CCDC192: variants seen among roughly 807,000 people sequenced by gnomAD.
CCDC192 encodes coiled-coil domain containing 192, also known as coiled-coil domain-containing protein 192.
At chr5:127,906,551 T>A (rs1437403426) in intron 6 of CCDC192, among the ~76,000 whole-genome samples, 2 of 152,082 alleles carry the variant, frequency 1.3e-5, no homozygotes, top group African/African-American at 4.8e-5. Flanking sequence ...TCTGAGAGGC[T>A]GAGGGGGGTG....
At chr5:127,731,553 G>A (rs1230341690) in intron 2 of CCDC192, among the ~76,000 whole-genome samples, 3 of 152,104 alleles carry the variant, frequency 2.0e-5, no homozygotes, top group Non-Finnish European at 4.4e-5. Flanking sequence ...AGCCTGTATA[G>A]CCAAGACAAT....
chr5:127,890,067 G>A (rs956815552), intron 6 of CCDC192, among the ~76,000 whole-genome samples: 10 of 151,972 alleles, frequency 6.6e-5, no homozygotes, highest in Non-Finnish European at 1.3e-4. Flanking sequence ...AATGGATCTG[G>A]ATCTCACAGA....
At chr5:127,886,697 A>C (rs151854) in intron 6 of CCDC192, among the ~76,000 whole-genome samples, 8,753 of 152,300 alleles carry the variant, frequency 0.057, 342 homozygotes, top group Middle Eastern at 0.092. Context: ...TAAAGCTTCT[A>C]GTCAACAGCA....
intron 5 of CCDC192, among the ~76,000 whole-genome samples, chr5:127,808,821 T>C (rs370762720): frequency 1.4e-4 from 22 of 152,324 alleles, no homozygotes; most frequent in Middle Eastern, 3.4e-3. Context: ...TTTATTCATA[T>C]ACAGTTCTTG....
At chr5:127,746,940 AT>A (rs1011922589) in intron 2 of CCDC192, among the ~76,000 whole-genome samples, 7 of 152,078 alleles carry the variant, frequency 4.6e-5, no homozygotes. Context: ...GCCTGGTTTC[AT>A]TTACCACCAG....
At chr5:127,795,307 A>C (rs1467209262) in intron 3 of CCDC192, among the ~76,000 whole-genome samples, 3 of 151,912 alleles carry the variant, frequency 2.0e-5, no homozygotes, top group Non-Finnish European at 4.4e-5. Flanking sequence ...AAAAAAAAAA[A>C]AAACAATTTG....
At chr5:127,857,643 C>T (rs1301321975) in intron 5 of CCDC192, 1 of 152,086 alleles carries the variant, frequency 6.6e-6, no homozygotes, top group African/African-American at 2.4e-5. Flanking sequence ...AGTTTGAAAG[C>T]TGTAGGGCTG....
chr5:127,786,535 C>T, intron 3 of CCDC192: 2 of 645,418 alleles, frequency 3.1e-6, no homozygotes, highest in South Asian at 1.7e-5. Flanking sequence ...TATTCAGTGG[C>T]CTAAATGGTC....
At chr5:127,914,212 G>C (rs1436697215) in intron 6 of CCDC192, among the ~76,000 whole-genome samples, 1 of 152,152 alleles carries the variant, frequency 6.6e-6, no homozygotes, top group African/African-American at 2.4e-5. Context: ...TTGTAATGGA[G>C]AAACTCACAT....
chr5:127,772,685 T>A (rs1227788254), intron 3 of CCDC192, among the ~76,000 whole-genome samples: 1 of 152,104 alleles, frequency 6.6e-6, no homozygotes, highest in South Asian at 2.1e-4. Context: ...CTCTATATAT[T>A]GCATACCCGT....
intron 2 of CCDC192, among the ~76,000 whole-genome samples, chr5:127,710,214 A>T (rs1045430120): frequency 2.0e-5 from 3 of 152,188 alleles, no homozygotes; most frequent in African/African-American, 7.2e-5. Context: ...GATATCCATG[A>T]TTACTGCTGC....
chr5:127,751,691 A>G lies in CCDC192; in HGVS notation c.115-2577A>G, dbSNP rs954487828. 4.0e-5 allele frequency among the ~76,000 whole-genome samples: 6 copies of G among 151,892 alleles called. 1 individual carries two copies. The highest frequency in any genetic ancestry group is 3.9e-4 in the East Asian group (2 of 5,190). On this transcript the variant is annotated intron_variant, in intron 2 of 6. Transcript: ENST00000514853. ...TGCTAGACTGGGGAAATTCTCCTGG[A>G]TAATATCCTGCAGAGTGTTTTCCAA...
At chr5:127,781,371 A>G (rs1756210214) in intron 3 of CCDC192, among the ~76,000 whole-genome samples, 2 of 152,060 alleles carry the variant, frequency 1.3e-5, no homozygotes, top group African/African-American at 4.8e-5. Context: ...GTGAAGAATG[A>G]TGGTGGTATT....
At chr5:127,717,893 T>G (rs530629115) in intron 2 of CCDC192, among the ~76,000 whole-genome samples, 1 of 140,648 alleles carries the variant, frequency 7.1e-6, no homozygotes, top group South Asian at 2.2e-4. Flanking sequence ...TAGAACTATC[T>G]TGTGACCAGA....
At chr5:127,719,928 C>CA (rs903825520) in intron 2 of CCDC192, among the ~76,000 whole-genome samples, 1 of 151,952 alleles carries the variant, frequency 6.6e-6, no homozygotes, top group Non-Finnish European at 1.5e-5. Flanking sequence ...CCCCCCGATC[C>CA]AATCATCTCC....
At chr5:127,887,739 T>C (rs1011300628) in intron 6 of CCDC192, among the ~76,000 whole-genome samples, 10 of 151,622 alleles carry the variant, frequency 6.6e-5, no homozygotes, top group Admixed American at 4.6e-4. Context: ...AGTTTTGCTC[T>C]GTCACCCAGG....
chr5:127,872,080 A>G (rs909226167), intron 5 of CCDC192, among the ~76,000 whole-genome samples: 1 of 152,256 alleles, frequency 6.6e-6, no homozygotes, highest in Admixed American at 6.5e-5. Flanking sequence ...CATGTTGGCA[A>G]ATTGAATTGT....
At chr5:127,931,010 A>G (rs1754013688) in intron 6 of CCDC192, among the ~76,000 whole-genome samples, 1 of 152,234 alleles carries the variant, frequency 6.6e-6, no homozygotes, top group South Asian at 2.1e-4. Flanking sequence ...TGTTCTTATC[A>G]GTCTTCTTGG....
chr5:127,786,249 A>G (rs1756529161), intron 3 of CCDC192: 2 of 696,624 alleles, frequency 2.9e-6, no homozygotes, highest in Admixed American at 2.1e-5. Context: ...CCTGAAGCAC[A>G]CAAGCCTCTG....
Sources: gnomAD v4.1 joint callset for allele counts (sites outside exome capture counted in the v4.1 genomes callset) on GRCh38, gnomAD v4.1.1 for gene constraint, MANE v1.5 for transcripts, NCBI Gene and HGNC (gene_info 2026-07-23, HGNC 2026-07-21) for gene names.